Variants in MSI2 observed in about 807,000 individuals in gnomAD.
MSI2 encodes musashi RNA binding protein 2.
A neutral mutation model predicts 45.6 loss-of-function variants in MSI2; 17 were observed. That is an observed-to-expected ratio of 0.37 (90% CI 0.26 to 0.56). The LOEUF is 0.56. Among genes scored for constraint, MSI2 ranks in the 20% least tolerant of loss-of-function variants. The pLI is 0.77. For missense variants in MSI2, 293 were observed against 444.2 expected, an observed-to-expected ratio of 0.66 and a Z score of 3.06; for synonymous variants, 156 against 158.2, an observed-to-expected ratio of 0.99 and a Z score of 0.11.
intron 6 of MSI2, among the ~76,000 whole-genome samples, chr17:57,460,909 G>A (rs576440019): frequency 1.3e-5 from 2 of 152,156 alleles, no homozygotes; most frequent in Non-Finnish European, 2.9e-5. Context: ...AAGGAGAGAC[G>A]TGAGGCAGGA....
intron 5 of MSI2, among the ~76,000 whole-genome samples, chr17:57,380,299 A>G (rs948789170): frequency 4.6e-5 from 7 of 152,146 alleles, no homozygotes; most frequent in Non-Finnish European, 7.3e-5. Flanking sequence ...GAGCCCCCAG[A>G]GCGTGCGTAA....
At chr17:57,281,459 A>G (rs7213498) in intron 5 of MSI2, among the ~76,000 whole-genome samples, 3,931 of 152,218 alleles carry the variant, frequency 0.026, 190 homozygotes, top group African/African-American at 0.088. Context: ...TGCAATCCAA[A>G]CGTTCCTCTT....
intron 8 of MSI2, among the ~76,000 whole-genome samples, chr17:57,612,860 G>T (rs1384792353): frequency 6.6e-6 from 1 of 152,236 alleles, no homozygotes; most frequent in East Asian, 1.9e-4. Context: ...GAGCTGGTTA[G>T]CGGTATTATT....
chr17:57,614,349 G>A (rs183730134), intron 8 of MSI2, among the ~76,000 whole-genome samples: 16 of 152,272 alleles, frequency 1.1e-4, no homozygotes, highest in Middle Eastern at 3.4e-3. Flanking sequence ...CACCACGTCC[G>A]GCCTAGAGGT....
chr17:57,316,451 A>G (rs770419125), intron 5 of MSI2, among the ~76,000 whole-genome samples: 1 of 151,832 alleles, frequency 6.6e-6, no homozygotes, highest in Non-Finnish European at 1.5e-5. Context: ...CAGCCTCCCA[A>G]GTAGCTGGGA....
At chr17:57,269,990 T>C (rs1041699888) in intron 5 of MSI2, among the ~76,000 whole-genome samples, 3 of 152,190 alleles carry the variant, frequency 2.0e-5, no homozygotes, top group African/African-American at 7.2e-5. Context: ...CTGGGACAGT[T>C]GTCCCACTGG....
At chr17:57,394,805 T>C (rs1429825443) in intron 5 of MSI2, among the ~76,000 whole-genome samples, 8 of 152,252 alleles carry the variant, frequency 5.3e-5, no homozygotes, top group Admixed American at 3.9e-4. Flanking sequence ...AGAGTTTCCA[T>C]GTGGACTGTG....
intron 7 of MSI2, among the ~76,000 whole-genome samples, chr17:57,571,869 C>T (rs765946981): frequency 1.1e-4 from 16 of 152,306 alleles, no homozygotes; most frequent in African/African-American, 1.7e-4. Flanking sequence ...CTGCCTTCCC[C>T]GCCCACATCA....
intron 8 of MSI2, 139 bp from the exon 9 acceptor site, chr17:57,615,831 C>G: frequency 1.6e-6 from 1 of 629,154 alleles, no homozygotes; most frequent in Non-Finnish European, 2.8e-6. Context: ...TTTTGCAGGC[C>G]ATTTACTCGG....
chr17:57,273,137 T>G lies in MSI2; in HGVS notation c.312+10945T>G, dbSNP rs557615089. Among the ~76,000 whole-genome samples the G allele has an allele frequency of 3.7e-4, 57 of 152,308 alleles. 1 individual carries two copies. Among genetic ancestry groups the G allele is most frequent in the Admixed American group, 1.9e-3 (29 of 15,306 alleles). ...TGTGAATCTCCACGAGATTGCTACA[T>G]GTATATGTTTCCTCTTCTGTTTTCC... On this transcript the variant is annotated intron_variant, in intron 5 of 13. Transcript: ENST00000284073.
At chr17:57,403,504 AT>A (rs1259417214) in intron 6 of MSI2, among the ~76,000 whole-genome samples, 2 of 152,096 alleles carry the variant, frequency 1.3e-5, no homozygotes, top group African/African-American at 4.8e-5. Flanking sequence ...TGCCCAGTTA[AT>A]TTTGCAGTAA....
At chr17:57,617,942 G>T (rs978185463) in intron 9 of MSI2, among the ~76,000 whole-genome samples, 2 of 152,000 alleles carry the variant, frequency 1.3e-5, no homozygotes, top group African/African-American at 4.8e-5. Context: ...ACTGCAGCAC[G>T]TGCCCGTAAT....
At position 57,681,702 on chromosome 17, in the gene MSI2, GT is replaced by G; in HGVS notation, c.*2192del. The G allele has an allele frequency of 5.3e-6, 1 of 189,140 alleles. No individual in the cohort carries two copies. Among genetic ancestry groups the G allele is most frequent in the Non-Finnish European group, 1.1e-5 (1 of 91,224 alleles). 11.7% of individuals were successfully genotyped at this position (189,140 alleles called of 1,614,324 possible). ...GGTTGTTTGGTGAGGTTTTTTTGTTGTTTTTTTCCTTTCTTTGTTTCTTTTC... is the reference window on the plus strand; with the variant it reads ...GGTTGTTTGGTGAGGTTTTTTTGTTGTTTTTTCCTTTCTTTGTTTCTTTTC... On this transcript the variant is annotated 3_prime_UTR_variant, in exon 14 of 14. Coordinates refer to ENST00000284073, the MANE Select transcript of MSI2 (RefSeq NM_138962.4).
the MSI2 span, among the ~76,000 whole-genome samples, chr17:57,695,801 T>C: frequency 6.6e-6 from 1 of 152,332 alleles, no homozygotes; most frequent in South Asian, 2.1e-4. Context: ...AAACTGGAAG[T>C]CCAAGATCAG....
At chr17:57,473,300 T>A (rs1264093459) in intron 6 of MSI2, among the ~76,000 whole-genome samples, 1 of 152,196 alleles carries the variant, frequency 6.6e-6, no homozygotes, top group Non-Finnish European at 1.5e-5. Context: ...CTGTAATGCA[T>A]AATATATATG....
chr17:57,528,051 C>T (rs1475182981), intron 6 of MSI2, among the ~76,000 whole-genome samples: 1 of 152,086 alleles, frequency 6.6e-6, no homozygotes, highest in Non-Finnish European at 1.5e-5. Context: ...TAGCCACAGG[C>T]ACACAGTGAA....
intron 5 of MSI2, among the ~76,000 whole-genome samples, chr17:57,334,651 G>A (rs553907504): frequency 7.2e-5 from 11 of 152,114 alleles, no homozygotes; most frequent in East Asian, 3.9e-4. Context: ...AAAATTAGCC[G>A]GGCATGGTGG....
intron 10 of MSI2, among the ~76,000 whole-genome samples, chr17:57,644,468 C>T (rs1489258568): frequency 1.3e-5 from 2 of 152,116 alleles, no homozygotes; most frequent in African/African-American, 2.4e-5. Flanking sequence ...TTGAAAAGAA[C>T]CAGCCCTGTC....
At chr17:57,476,217 C>T (rs2085534611) in intron 6 of MSI2, among the ~76,000 whole-genome samples, 1 of 152,160 alleles carries the variant, frequency 6.6e-6, no homozygotes. Context: ...TGGTTAATAG[C>T]CTTGTATATT....
Sources: allele counts gnomAD v4.1 joint callset (sites outside exome capture counted in the v4.1 genomes callset), GRCh38; gene constraint gnomAD v4.1.1; transcripts MANE v1.5; gene names NCBI Gene and HGNC (gene_info 2026-07-23, HGNC 2026-07-21).